ADCY2: variants seen among roughly 807,000 people sequenced by gnomAD.
The protein encoded by ADCY2 is adenylate cyclase type 2.
ADCY2 carries 31 observed loss-of-function variants against 125.2 expected under a neutral mutation model. The observed-to-expected ratio is 0.25, with a 90% CI of 0.19 to 0.33. The LOEUF is 0.33. ADCY2 is among the 10% of genes least tolerant of loss of function. ADCY2 has a pLI of 1.00. For synonymous variants in ADCY2, 512 were observed against 548.4 expected (o/e 0.93, Z 0.93); for missense variants, 904 against 1,418.2 (o/e 0.64, Z 5.82).
At chr5:7,753,771 C>G (rs1181914826) in intron 15 of ADCY2, among the ~76,000 whole-genome samples, 3 of 152,106 alleles carry the variant, frequency 2.0e-5, no homozygotes, top group Non-Finnish European at 4.4e-5. Context: ...CTCCCCCCAC[C>G]AGCTTGATCC....
At position 7,431,173 on chromosome 5, in the gene ADCY2, G is replaced by A. The variant is rs139174324; in HGVS notation, c.408+16403G>A. ...ATAAAACTACAGTAATCAAGATAGCGTGATATTGGTGTAAAAATAGACATT... is the reference window on the plus strand; with the variant it reads ...ATAAAACTACAGTAATCAAGATAGCATGATATTGGTGTAAAAATAGACATT... On this transcript the variant is annotated intron_variant, in intron 2 of 24. Coordinates refer to ENST00000338316, the MANE Select transcript of ADCY2 (RefSeq NM_020546.3). Among the ~76,000 whole-genome samples, 480 of 152,258 alleles carry A rather than the reference G, an allele frequency of 3.2e-3. 1 individual carries two copies. Among genetic ancestry groups the A allele is most frequent in the African/African-American group, 0.011 (455 of 41,546 alleles).
At chr5:7,633,138 A>AT (rs765500614) in intron 4 of ADCY2, among the ~76,000 whole-genome samples, 8 of 151,724 alleles carry the variant, frequency 5.3e-5, no homozygotes, top group Non-Finnish European at 1.0e-4. Context: ...AAAAAAAAAA[A>AT]TGGACATTTT....
intron 3 of ADCY2, 81 bp from the exon 4 acceptor site, chr5:7,626,086 T>C: frequency 3.4e-6 from 5 of 1,459,066 alleles, no homozygotes; most frequent in Non-Finnish European, 4.6e-6. Context: ...CTGAAGACTG[T>C]TGCTAATGTG....
At chr5:7,807,279 C>G (rs1290763949) in intron 22 of ADCY2, among the ~76,000 whole-genome samples, 1 of 152,188 alleles carries the variant, frequency 6.6e-6, no homozygotes, top group Non-Finnish European at 1.5e-5. Context: ...CTTTCCGCAG[C>G]CACGCTTTAT....
intron 3 of ADCY2, among the ~76,000 whole-genome samples, chr5:7,559,375 T>G (rs2126585800): frequency 6.6e-6 from 1 of 152,182 alleles, no homozygotes; most frequent in East Asian, 1.9e-4. Flanking sequence ...TAGTTCTCCT[T>G]GTAGAGATCT....
In ADCY2 at chr5:7,779,527, A is replaced by C. The variant is rs1261747156; in HGVS notation, c.2385-4838A>C. 7.9e-5 allele frequency among the ~76,000 whole-genome samples: 12 copies of C among 152,202 alleles called. 1 individual carries two copies. In the South Asian group the frequency reaches 1.7e-3, roughly 21 times the overall value. Reference sequence around the variant, plus strand: ...AAAGGAAACCACAACTGCATTAATCAGGTCACATGATTGTCTCCACAGCAA... The same window carrying C: ...AAAGGAAACCACAACTGCATTAATCCGGTCACATGATTGTCTCCACAGCAA... On this transcript the variant is annotated intron_variant, in intron 18 of 24. Transcript: ENST00000338316.
In ADCY2 at chr5:7,818,994, G is replaced by A. The variant is rs1414648686; in HGVS notation, c.2999-1571G>A. 4.6e-5 allele frequency among the ~76,000 whole-genome samples: 7 copies of A among 152,272 alleles called. No individual in the cohort carries two copies. In the East Asian group the frequency reaches 5.8e-4, roughly 13 times the overall value. ...TCCCACATTAGGCCGTCTGCAAGCCGAGGAGCAAGGAAGCCAGTCCGAGTC... is the reference window on the plus strand; with the variant it reads ...TCCCACATTAGGCCGTCTGCAAGCCAAGGAGCAAGGAAGCCAGTCCGAGTC... On this transcript the variant is annotated intron_variant, in intron 23 of 24. Transcript: ENST00000338316.
intron 3 of ADCY2, among the ~76,000 whole-genome samples, chr5:7,546,263 G>A (rs553215153): frequency 3.6e-4 from 55 of 152,300 alleles, no homozygotes; most frequent in Non-Finnish European, 7.2e-4. Context: ...TCCAGAGTTG[G>A]CTTTGAATGA....
intron 12 of ADCY2, among the ~76,000 whole-genome samples, chr5:7,721,743 C>T (rs1230532989): frequency 1.3e-5 from 2 of 152,152 alleles, no homozygotes; most frequent in Admixed American, 6.5e-5. Flanking sequence ...CTGTTCTGTT[C>T]CATTGGTCTA....
At chr5:7,563,050 T>C (rs898043814) in intron 3 of ADCY2, among the ~76,000 whole-genome samples, 7 of 152,224 alleles carry the variant, frequency 4.6e-5, no homozygotes, top group Non-Finnish European at 8.8e-5. Flanking sequence ...TTCTCATTCC[T>C]GACATCTTGG....
chr5:7,459,772 A>ATTTTTTTTTTTTTT (rs3033085), intron 2 of ADCY2, among the ~76,000 whole-genome samples: 11 of 72,818 alleles, frequency 1.5e-4, no homozygotes, highest in African/African-American at 6.1e-4. Context: ...TTAAGAGGTA[A>ATTTTTTTTTTTTTT]TTTTTTTTTT....
chr5:7,453,154 T>C lies in ADCY2; in HGVS notation c.408+38384T>C, dbSNP rs1052671640. 3.3e-5 allele frequency among the ~76,000 whole-genome samples: 5 copies of C among 152,216 alleles called. No individual in the cohort carries two copies. The South Asian group carries it at 6.2e-4, about 19-fold the overall frequency. On this transcript the variant is annotated intron_variant, in intron 2 of 24. Coordinates refer to ENST00000338316, the MANE Select transcript of ADCY2 (RefSeq NM_020546.3). ...TTTTGTTGCATTTGCTTTTGGGGTC[T>C]TTGTCATGAATTCTTTGCCTGAGCC... is the stretch of plus-strand genomic sequence containing the variant.
chr5:7,526,211 C>T (rs1442439940), intron 3 of ADCY2, among the ~76,000 whole-genome samples: 1 of 152,166 alleles, frequency 6.6e-6, no homozygotes, highest in Non-Finnish European at 1.5e-5. Flanking sequence ...ATGAATTTGG[C>T]CTCCCCCATC....
At chr5:7,724,494 T>G in intron 12 of ADCY2, 51 bp from the exon 13 acceptor site, 1 of 1,341,738 alleles carries the variant, frequency 7.5e-7, no homozygotes, top group Non-Finnish European at 1.1e-6. Context: ...TAGTTCCAGA[T>G]GTTTGATTGG....
At chr5:7,549,206 C>G (rs1735247564) in intron 3 of ADCY2, among the ~76,000 whole-genome samples, 1 of 152,192 alleles carries the variant, frequency 6.6e-6, no homozygotes, top group Non-Finnish European at 1.5e-5. Context: ...TGACTGACAG[C>G]AGAGCTGCTT....
chr5:7,726,473 C>A (rs1429944654), intron 13 of ADCY2, among the ~76,000 whole-genome samples: 1 of 152,144 alleles, frequency 6.6e-6, no homozygotes, highest in Non-Finnish European at 1.5e-5. Context: ...ATAGCCCTAT[C>A]TGGAATTTTT....
intron 4 of ADCY2, among the ~76,000 whole-genome samples, chr5:7,651,486 C>T (rs925084022): frequency 4.6e-5 from 7 of 152,046 alleles, no homozygotes; most frequent in Admixed American, 1.3e-4. Flanking sequence ...ACTTGAAGTC[C>T]GATGTCCGAG....
intron 3 of ADCY2, among the ~76,000 whole-genome samples, chr5:7,586,847 T>G (rs1736643561): frequency 6.6e-6 from 1 of 152,184 alleles, no homozygotes; most frequent in Non-Finnish European, 1.5e-5. Flanking sequence ...TCTATGTCTG[T>G]GTCCATGTTT....
intron 16 of ADCY2, among the ~76,000 whole-genome samples, chr5:7,758,420 A>G (rs935256739): frequency 6.6e-6 from 1 of 152,206 alleles, no homozygotes; most frequent in East Asian, 1.9e-4. Flanking sequence ...GGCTTCACTC[A>G]CTGTGGGAAA....
Sources: allele counts gnomAD v4.1 joint callset (sites outside exome capture counted in the v4.1 genomes callset), GRCh38; gene constraint gnomAD v4.1.1; transcripts MANE v1.5; gene names NCBI Gene and HGNC (gene_info 2026-07-23, HGNC 2026-07-21).